KCTD8: variants seen among roughly 807,000 people sequenced by gnomAD.
The protein encoded by KCTD8 is BTB/POZ domain-containing protein KCTD8.
KCTD8 carries 27 observed loss-of-function variants against 31.5 expected under a neutral mutation model. The ratio of observed to expected loss-of-function variants is 0.86; its 90% confidence interval spans 0.63 to 1.18. KCTD8 has a LOEUF of 1.18. KCTD8 is among the 50% of genes most tolerant of loss of function. KCTD8 has a pLI of 0.00. For missense variants in KCTD8, 658 were observed against 647.7 expected (o/e 1.02, Z -0.17); for synonymous variants, 290 against 280.0 (o/e 1.04, Z -0.36).
intron 1 of KCTD8, among the ~76,000 whole-genome samples, chr4:44,417,373 GAC>G (rs1721100640): frequency 6.6e-6 from 1 of 152,048 alleles, no homozygotes; most frequent in South Asian, 2.1e-4. Context: ...CTCGCTAGGA[GAC>G]CACTTCATCT....
rs961947781 is a variant in KCTD8 at position 44,309,005 on chromosome 4, T to G, written c.962-133755A>C. Among the ~76,000 whole-genome samples, 11 of 152,220 alleles carry G rather than the reference T, an allele frequency of 7.2e-5. No homozygotes were observed. In the East Asian group the frequency reaches 1.9e-3, roughly 27 times the overall value. Reference sequence around the variant, plus strand: ...TATAGATTAGACAAATAACATTTATTTACTTGACTGGTCTTTGACAAATCA... The same window carrying G: ...TATAGATTAGACAAATAACATTTATGTACTTGACTGGTCTTTGACAAATCA... On this transcript the variant is annotated intron_variant, in intron 1 of 1. Transcript: ENST00000360029.
At chr4:44,316,334 A>G (rs956648943) in intron 1 of KCTD8, among the ~76,000 whole-genome samples, 2 of 152,120 alleles carry the variant, frequency 1.3e-5, no homozygotes, top group African/African-American at 4.8e-5. Context: ...GGCAATAAGA[A>G]TTATTGTTAA....
At chr4:44,218,073 G>C (rs1029172797) in intron 1 of KCTD8, among the ~76,000 whole-genome samples, 7 of 148,278 alleles carry the variant, frequency 4.7e-5, no homozygotes, top group South Asian at 2.1e-4. Flanking sequence ...CTATTTGATA[G>C]CACAACAGGG....
intron 1 of KCTD8, among the ~76,000 whole-genome samples, chr4:44,191,434 G>A (rs1713761778): frequency 6.6e-6 from 1 of 152,166 alleles, no homozygotes; most frequent in Admixed American, 6.5e-5. Flanking sequence ...TGCCTATGGG[G>A]TCGGGCAAAA....
intron 1 of KCTD8, among the ~76,000 whole-genome samples, chr4:44,182,265 G>T (rs555712214): frequency 2.6e-5 from 4 of 152,338 alleles, no homozygotes; most frequent in African/African-American, 9.6e-5. Flanking sequence ...CCCTCTGCCC[G>T]GCCACCACCC....
intron 1 of KCTD8, among the ~76,000 whole-genome samples, chr4:44,222,147 C>G (rs1034307180): frequency 6.6e-6 from 1 of 152,100 alleles, no homozygotes; most frequent in Non-Finnish European, 1.5e-5. Flanking sequence ...CTCAGAGAAG[C>G]AGAATTGCTG....
At chr4:44,422,537 T>C (rs775350586) in intron 1 of KCTD8, among the ~76,000 whole-genome samples, 59 of 152,104 alleles carry the variant, frequency 3.9e-4, no homozygotes, top group Non-Finnish European at 7.1e-4. Flanking sequence ...ATTTTATTAA[T>C]ATACGCAAAT....
intron 1 of KCTD8, among the ~76,000 whole-genome samples, chr4:44,322,854 A>T (rs1487475010): frequency 6.6e-6 from 1 of 151,974 alleles, no homozygotes. Context: ...TTCTTTTCTC[A>T]ATGTATGTTA....
chr4:44,363,019 A>G (rs894517912), intron 1 of KCTD8, among the ~76,000 whole-genome samples: 1 of 152,054 alleles, frequency 6.6e-6, no homozygotes, highest in Non-Finnish European at 1.5e-5. Context: ...ATGGCTTTAA[A>G]TTATTTTTTA....
intron 1 of KCTD8, among the ~76,000 whole-genome samples, chr4:44,421,178 G>A (rs1310980080): frequency 6.6e-6 from 1 of 152,074 alleles, no homozygotes; most frequent in East Asian, 1.9e-4. Context: ...TAAGCACATA[G>A]CCTCAATATA....
chr4:44,350,926 A>T (rs559678381), intron 1 of KCTD8, among the ~76,000 whole-genome samples: 67 of 152,240 alleles, frequency 4.4e-4, no homozygotes, highest in Non-Finnish European at 8.4e-4. Flanking sequence ...CATGAATGCA[A>T]CCACTATTGC....
At chr4:44,329,450 T>C (rs1245754055) in intron 1 of KCTD8, among the ~76,000 whole-genome samples, 1 of 152,036 alleles carries the variant, frequency 6.6e-6, no homozygotes, top group African/African-American at 2.4e-5. Context: ...CTTTATCTTC[T>C]AATTTTTTAA....
At chr4:44,347,422 A>G (rs972326805) in intron 1 of KCTD8, among the ~76,000 whole-genome samples, 1 of 152,190 alleles carries the variant, frequency 6.6e-6, no homozygotes, top group African/African-American at 2.4e-5. Flanking sequence ...ATAAGAGTAC[A>G]TCCTTGAAGA....
At chr4:44,279,698 C>A (rs147927302) in intron 1 of KCTD8, among the ~76,000 whole-genome samples, 13 of 152,152 alleles carry the variant, frequency 8.5e-5, no homozygotes, top group African/African-American at 1.2e-4. Flanking sequence ...GTGTGAGGAT[C>A]AAGTAAGTAA....
intron 1 of KCTD8, among the ~76,000 whole-genome samples, chr4:44,281,181 C>G (rs1471390677): frequency 6.6e-6 from 1 of 152,062 alleles, no homozygotes; most frequent in African/African-American, 2.4e-5. Context: ...TCCTTCAAAA[C>G]TATGCAAAAC....
intron 1 of KCTD8, among the ~76,000 whole-genome samples, chr4:44,319,573 G>T (rs1011365042): frequency 6.6e-6 from 1 of 152,054 alleles, no homozygotes; most frequent in African/African-American, 2.4e-5. Context: ...TCTACGCCAT[G>T]AGCCCTTCCT....
chr4:44,334,715 C>A (rs1461325429), intron 1 of KCTD8, among the ~76,000 whole-genome samples: 1 of 151,908 alleles, frequency 6.6e-6, no homozygotes, highest in Non-Finnish European at 1.5e-5. Flanking sequence ...AACTAATGTA[C>A]ATAATCTGGT....
chr4:44,265,914 T>A (rs1016508594), intron 1 of KCTD8, among the ~76,000 whole-genome samples: 20 of 152,088 alleles, frequency 1.3e-4, no homozygotes, highest in African/African-American at 4.8e-4. Flanking sequence ...AATCTACATC[T>A]GATTGGTGTA....
intron 1 of KCTD8, among the ~76,000 whole-genome samples, chr4:44,207,273 T>A (rs531233124): frequency 4.8e-4 from 73 of 152,354 alleles, no homozygotes; most frequent in Middle Eastern, 3.4e-3. Flanking sequence ...GTTATATGAA[T>A]GTTAAACCAT....
Sources: allele counts gnomAD v4.1 joint callset (sites outside exome capture counted in the v4.1 genomes callset), GRCh38; gene constraint gnomAD v4.1.1; transcripts MANE v1.5; gene names NCBI Gene and HGNC (gene_info 2026-07-23, HGNC 2026-07-21).